Variants in GRM8 observed in about 807,000 individuals in gnomAD.
GRM8 encodes the protein glutamate metabotropic receptor 8, also known as metabotropic glutamate receptor 8.
Under a neutral mutation model 87.2 loss-of-function variants are expected in GRM8, and 47 were observed. The observed-to-expected ratio is 0.54, with a 90% confidence interval of 0.43 to 0.69. GRM8 has a LOEUF of 0.69. Among genes scored for constraint, GRM8 ranks in the 30% least tolerant of loss-of-function variants. GRM8 has a pLI of 0.00. For missense variants in GRM8, 1,019 were observed against 1,139.2 expected, an observed-to-expected ratio of 0.89 and a Z score of 1.52; for synonymous variants, 396 against 404.5, an observed-to-expected ratio of 0.98 and a Z score of 0.25.
chr7:126,748,038 T>C (rs1260174624), intron 7 of GRM8, among the ~76,000 whole-genome samples: 1 of 152,008 alleles, frequency 6.6e-6, no homozygotes, highest in African/African-American at 2.4e-5. Context: ...TTTACCTATA[T>C]TGGTACATCA....
At chr7:126,487,120 A>G (rs1807460173) in intron 9 of GRM8, among the ~76,000 whole-genome samples, 2 of 152,084 alleles carry the variant, frequency 1.3e-5, no homozygotes, top group Admixed American at 1.3e-4. Context: ...TTCAAAGCAA[A>G]GTGTTATTGA....
chr7:126,797,644 T>C (rs1822112969), intron 6 of GRM8, among the ~76,000 whole-genome samples: 1 of 152,098 alleles, frequency 6.6e-6, no homozygotes, highest in African/African-American at 2.4e-5. Context: ...AACCTTTTAG[T>C]CTATCAAGCA....
At chr7:126,964,423 G>C (rs561242006) in intron 3 of GRM8, among the ~76,000 whole-genome samples, 1 of 152,190 alleles carries the variant, frequency 6.6e-6, no homozygotes, top group African/African-American at 2.4e-5. Flanking sequence ...CTAACAAAGG[G>C]CTAATATCCA....
chr7:127,138,330 C>G (rs777127206), intron 2 of GRM8, among the ~76,000 whole-genome samples: 10 of 152,262 alleles, frequency 6.6e-5, no homozygotes, highest in Non-Finnish European at 1.2e-4. Context: ...TACACATCAT[C>G]TCTTAGATAA....
intron 9 of GRM8, among the ~76,000 whole-genome samples, chr7:126,468,860 A>G (rs35271256): frequency 0.15 from 22,470 of 152,104 alleles, 1,792 homozygotes; most frequent in South Asian, 0.18. Context: ...CTTCAATCCT[A>G]CCTTTCAAGA....
At chr7:127,142,765 A>G (rs1828347557) in intron 2 of GRM8, among the ~76,000 whole-genome samples, 1 of 152,148 alleles carries the variant, frequency 6.6e-6, no homozygotes, top group African/African-American at 2.4e-5. Context: ...AGATTGATTC[A>G]ACAACTATTT....
At chr7:127,121,823 T>G (rs543271856) in intron 2 of GRM8, among the ~76,000 whole-genome samples, 48 of 152,168 alleles carry the variant, frequency 3.2e-4, no homozygotes, top group African/African-American at 1.2e-3. Context: ...ACCCCCATGA[T>G]CCACTCACCT....
At chr7:127,169,694 C>T (rs989646337) in intron 2 of GRM8, among the ~76,000 whole-genome samples, 3 of 152,176 alleles carry the variant, frequency 2.0e-5, no homozygotes, top group Non-Finnish European at 4.4e-5. Flanking sequence ...GCTAATGTGG[C>T]TGGTAACTTT....
intron 9 of GRM8, among the ~76,000 whole-genome samples, chr7:126,498,396 G>A (rs1287052062): frequency 1.3e-5 from 2 of 151,950 alleles, no homozygotes; most frequent in Non-Finnish European, 2.9e-5. Flanking sequence ...ATAAAAGCAA[G>A]GGTATTAGCC....
chr7:127,252,585 A>G lies in GRM8; in HGVS notation c.-312+212T>C, dbSNP rs1217675404. ...ATCTACTTGTGCTCAGGAAAAACAA[A>G]TCACTAGAGTGATATGAGAAGGAAT... is the stretch of plus-strand genomic sequence containing the variant. On this transcript the variant is annotated intron_variant, in intron 1 of 10. Transcript: ENST00000339582. This position sits in a 1 kb window ranked among gnomAD's most constrained non-coding sequence, Gnocchi z 4.9. Among the ~76,000 whole-genome samples the G allele has an allele frequency of 1.3e-5, 2 of 152,144 alleles. No homozygotes were observed. Among genetic ancestry groups the G allele is most frequent in the African/African-American group, 2.4e-5 (1 of 41,442 alleles).
chr7:126,496,006 G>C (rs1264676558), intron 9 of GRM8, among the ~76,000 whole-genome samples: 1 of 151,992 alleles, frequency 6.6e-6, no homozygotes, highest in South Asian at 2.1e-4. Flanking sequence ...ACTGAATTCA[G>C]TGGTCTTCTA....
chr7:126,600,895 T>C (rs1462962487), intron 8 of GRM8, among the ~76,000 whole-genome samples: 1 of 151,982 alleles, frequency 6.6e-6, no homozygotes, highest in Non-Finnish European at 1.5e-5. Flanking sequence ...GAACAAAGTA[T>C]TTTCATAATC....
intron 6 of GRM8, among the ~76,000 whole-genome samples, chr7:126,786,970 T>A (rs1209688574): frequency 6.6e-6 from 1 of 152,228 alleles, no homozygotes; most frequent in Non-Finnish European, 1.5e-5. Flanking sequence ...TGGGTCACAA[T>A]GCTGGCTCTT....
At chr7:127,213,541 T>C (rs546657202) in intron 2 of GRM8, among the ~76,000 whole-genome samples, 103 of 152,344 alleles carry the variant, frequency 6.8e-4, no homozygotes, top group African/African-American at 2.5e-3. Flanking sequence ...TAGGCTCTCT[T>C]TCCCTGACTC....
intron 7 of GRM8, among the ~76,000 whole-genome samples, chr7:126,691,401 C>T (rs1585541803): frequency 6.6e-6 from 1 of 152,162 alleles, no homozygotes; most frequent in Non-Finnish European, 1.5e-5. Flanking sequence ...AAAGGGGCTT[C>T]CCAGGCCCCC....
At chr7:126,555,307 G>C (rs891894614) in intron 8 of GRM8, among the ~76,000 whole-genome samples, 1 of 152,216 alleles carries the variant, frequency 6.6e-6, no homozygotes, top group Non-Finnish European at 1.5e-5. Flanking sequence ...ATGATGAAAG[G>C]AGATTCCTAT....
chr7:126,770,978 A>G, intron 6 of GRM8, among the ~76,000 whole-genome samples: 1 of 152,056 alleles, frequency 6.6e-6, no homozygotes, highest in East Asian at 1.9e-4. Context: ...AATGTTGGGC[A>G]TACAAGAAAA....
intron 3 of GRM8, among the ~76,000 whole-genome samples, chr7:126,932,001 ATCT>A (rs1805817391): frequency 6.6e-6 from 1 of 152,118 alleles, no homozygotes; most frequent in Admixed American, 6.5e-5. Flanking sequence ...ATTCCTTTTA[ATCT>A]TCTTCTTTAA....
At chr7:126,706,976 C>T (rs1585604897) in intron 7 of GRM8, among the ~76,000 whole-genome samples, 2 of 152,136 alleles carry the variant, frequency 1.3e-5, no homozygotes, top group African/African-American at 2.4e-5. Context: ...GCTGCTCTCT[C>T]TTCAAGACAA....
Sources: gnomAD v4.1 joint callset for allele counts (sites outside exome capture counted in the v4.1 genomes callset) on GRCh38, gnomAD v4.1.1 for gene constraint, Gnocchi (gnomAD v3.1) non-coding constraint, MANE v1.5 for transcripts, NCBI Gene and HGNC (gene_info 2026-07-23, HGNC 2026-07-21) for gene names.